The following AP1M1 variants were observed in gnomAD, a reference collection of about 807,000 sequenced individuals.
The protein encoded by AP1M1 is adaptor related protein complex 1 subunit mu 1.
Under a neutral mutation model 57.1 loss-of-function variants are expected in AP1M1, and 18 were observed. The ratio of observed to expected loss-of-function variants is 0.32; its 90% CI spans 0.22 to 0.47. AP1M1 has a LOEUF of 0.47. AP1M1 is among the 20% of genes least tolerant of loss of function. AP1M1 has a pLI of 1.00. For synonymous variants in AP1M1, 241 were observed against 237.9 expected (o/e 1.01, Z -0.12); for missense variants, 362 against 593.5 (o/e 0.61, Z 4.05).
chr19:16,227,776 G>A lies in AP1M1; in HGVS notation c.816+86G>A. 1.3e-6 allele frequency: 2 copies of A among 1,512,128 alleles called. No individual in the cohort carries two copies. Among genetic ancestry groups the A allele is most frequent in the South Asian group, 1.2e-5 (1 of 83,858 alleles). The allele number at this position is 1,512,128 out of a possible 1,614,324, so 93.7% of individuals were successfully genotyped here. ...AGGTGAAGCCCAGGCAGGCGCCAGGGCCAGCCCCACCCCACGCTCCATGAG... is the reference window on the plus strand; with the variant it reads ...AGGTGAAGCCCAGGCAGGCGCCAGGACCAGCCCCACCCCACGCTCCATGAG... On this transcript the variant is annotated intron_variant, in intron 7 of 11. Coordinates refer to ENST00000291439, the MANE Select transcript of AP1M1 (RefSeq NM_032493.4). This position sits in a 1 kb window ranked among gnomAD's most constrained non-coding sequence, Gnocchi z 6.2.
At chr19:16,233,421 C>A in intron 9 of AP1M1, 72 bp from the exon 10 acceptor site, 23 of 1,468,944 alleles carry the variant, frequency 1.6e-5, no homozygotes, top group Non-Finnish European at 2.1e-5. Flanking sequence ...TGCCCATCGC[C>A]ACTAGGGCCA....
rs751077992 is a variant in AP1M1 at position 16,234,436 on chromosome 19, G to A, written c.*1G>A. ...AGATTACCAGCTCCGGACCCAGTGA[G>A]GGGCTGTCGCAGCCAACACCCCGGC... On this transcript the variant is annotated 3_prime_UTR_variant, in exon 12 of 12. Transcript: ENST00000291439. The A allele has an allele frequency of 1.9e-6, 3 of 1,613,726 alleles. No individual in the cohort carries two copies. The highest frequency in any genetic ancestry group is 2.2e-5 in the South Asian group (2 of 91,086).
intron 9 of AP1M1, among the ~76,000 whole-genome samples, chr19:16,232,888 A>G (rs2091605281): frequency 6.6e-6 from 1 of 152,188 alleles, no homozygotes; most frequent in African/African-American, 2.4e-5. Flanking sequence ...GGTGAAGGTC[A>G]CAGCCAGGAC....
intron 10 of AP1M1, 130 bp from the exon 11 acceptor site, chr19:16,234,069 C>G (rs2091611708): frequency 5.8e-6 from 5 of 860,314 alleles, no homozygotes; most frequent in African/African-American, 3.4e-5. Context: ...TTTCACCCCC[C>G]TGAGGCCTGT....
At chr19:16,199,187 A>G (rs901957052) in intron 1 of AP1M1, among the ~76,000 whole-genome samples, 4 of 152,054 alleles carry the variant, frequency 2.6e-5, no homozygotes, top group African/African-American at 9.7e-5. Flanking sequence ...ATAAATGTCA[A>G]TTGCAGTGGT....
At chr19:16,199,083 C>T (rs181033546) in intron 1 of AP1M1, among the ~76,000 whole-genome samples, 195 of 152,264 alleles carry the variant, frequency 1.3e-3, no homozygotes, top group Non-Finnish European at 2.5e-3. Context: ...GCTGGGATTA[C>T]AGGTGTGAGT....
intron 5 of AP1M1, among the ~76,000 whole-genome samples, chr19:16,215,487 A>AT (rs1329396928): frequency 2.0e-5 from 3 of 149,028 alleles, no homozygotes; most frequent in Admixed American, 6.7e-5. Flanking sequence ...AAAAAAAAAA[A>AT]AAAAAGAATG....
At chr19:16,224,800 G>T (rs575793652) in intron 5 of AP1M1, among the ~76,000 whole-genome samples, 1 of 152,138 alleles carries the variant, frequency 6.6e-6, no homozygotes, top group Non-Finnish European at 1.5e-5. Flanking sequence ...AGGGCCCTCC[G>T]AGAAAGAGGC....
rs2091474145 is a variant in AP1M1 at position 16,207,481 on chromosome 19, G to A, written c.268-538G>A. Among the ~76,000 whole-genome samples the A allele has an allele frequency of 6.6e-6, 1 of 152,158 alleles. No homozygotes were observed. The highest frequency in any genetic ancestry group is 1.5e-5 in the Non-Finnish European group (1 of 68,018). On this transcript the variant is annotated intron_variant, in intron 3 of 11. Coordinates refer to ENST00000291439, the MANE Select transcript of AP1M1 (RefSeq NM_032493.4). The surrounding 1 kb of genome is among the most constrained non-coding windows in gnomAD (Gnocchi z 4.2). Reference sequence around the variant, plus strand: ...AGAATGGGGGATGCGGGAAGGGGAAGGTCCTCACCCAAGGGTTGGGCTGTG... The same window carrying A: ...AGAATGGGGGATGCGGGAAGGGGAAAGTCCTCACCCAAGGGTTGGGCTGTG...
chr19:16,208,167 GGGCCTGGGGCCA>G lies in AP1M1; in HGVS notation c.398+27_398+38del, dbSNP rs745934570. 2 of 1,607,368 alleles carry G rather than the reference GGGCCTGGGGCCA, an allele frequency of 1.2e-6. No individual in the cohort carries two copies. Among genetic ancestry groups the G allele is most frequent in the South Asian group, 1.1e-5 (1 of 90,576 alleles). On this transcript the variant is annotated intron_variant, in intron 4 of 11. Transcript: ENST00000291439. The stretch of plus-strand genomic sequence containing the variant: ...CTGCAGGAGTGAGTGGGCAGGGGTG[GGGCCTGGGGCCA>G]GGCCTGGGCGGTGTCATGACATCGA...
chr19:16,225,169 C>T (rs2091565859), intron 5 of AP1M1, among the ~76,000 whole-genome samples: 1 of 152,234 alleles, frequency 6.6e-6, no homozygotes, highest in Non-Finnish European at 1.5e-5. Context: ...TCCCAATTCC[C>T]TCAGAGGCGG....
intron 9 of AP1M1, among the ~76,000 whole-genome samples, chr19:16,232,720 C>T (rs1038620217): frequency 2.6e-5 from 4 of 152,236 alleles, no homozygotes; most frequent in Admixed American, 2.0e-4. Flanking sequence ...CCCTAGGCGG[C>T]AGTAGCTCCC....
intron 4 of AP1M1, chr19:16,208,384 C>T (rs752869745): frequency 1.2e-5 from 5 of 408,376 alleles, no homozygotes; most frequent in Non-Finnish European, 2.2e-5. Context: ...TCTCCATCCA[C>T]ACAGATGCCT....
Position 16,208,169 on chromosome 19 carries a change from G to A in AP1M1, c.398+20G>A. The A allele has an allele frequency of 6.2e-7, 1 of 1,607,130 alleles. No individual in the cohort carries two copies. Among genetic ancestry groups the A allele is most frequent in the Non-Finnish European group, 8.5e-7 (1 of 1,176,506 alleles). ...GCAGGAGTGAGTGGGCAGGGGTGGG[G>A]CCTGGGGCCAGGCCTGGGCGGTGTC... is the stretch of plus-strand genomic sequence containing the variant. On this transcript the variant is annotated intron_variant, in intron 4 of 11. Transcript: ENST00000291439.
intron 5 of AP1M1, among the ~76,000 whole-genome samples, chr19:16,219,390 GTTTTTTTGTTT>G (rs1351691943): frequency 4.6e-3 from 353 of 76,026 alleles, no homozygotes; most frequent in Non-Finnish European, 1.0e-2. Context: ...ATTCATTTTT[GTTTTTTTGTTT>G]TTTTTTTTTT....
At chr19:16,211,101 GT>G (rs1555724141) in intron 5 of AP1M1, among the ~76,000 whole-genome samples, 19 of 39,282 alleles carry the variant, frequency 4.8e-4, no homozygotes, top group South Asian at 1.1e-3. Context: ...TCTTAGCAGT[GT>G]TTTTTTTTTT....
Position 16,206,365 on chromosome 19 carries a change from C to G in AP1M1, c.224C>G (p.Ala75Gly). 1 of 1,614,148 alleles carries G rather than the reference C, an allele frequency of 6.2e-7. No individual in the cohort carries two copies. Among genetic ancestry groups the G allele is most frequent in the Non-Finnish European group, 8.5e-7 (1 of 1,180,028 alleles). ...GTGGTTGCCACATCCAAGAAGAACG[C>G]GTGCGTGTCGCTGGTCTTTTCTTTC... Reference protein sequence around the residue: ...LYLVATSKKNACVSLVFSFLY... With the variant: ...LYLVATSKKNGCVSLVFSFLY... The change falls in exon 3 of 12, where the codon GCG becomes GGG. Residue 75 changes from alanine (A) to glycine (G), a missense_variant. Ala to Gly is a moderately conservative substitution (Grantham distance 60). Transcript: ENST00000291439. The surrounding 1 kb of genome is among the most constrained non-coding windows in gnomAD (Gnocchi z 4.3).
At chr19:16,229,114 G>A (rs3752793) in intron 9 of AP1M1, among the ~76,000 whole-genome samples, 186 bp downstream of exon 9, 83,304 of 152,138 alleles carry the variant, frequency 0.55, 25,879 homozygotes, top group Non-Finnish European at 0.71. Flanking sequence ...AGGCTGACTC[G>A]GCCCCTGGGC....
At chr19:16,213,432 G>A (rs1293712812) in intron 5 of AP1M1, among the ~76,000 whole-genome samples, 1 of 152,014 alleles carries the variant, frequency 6.6e-6, no homozygotes. Context: ...TTTTCTATTT[G>A]CTTGGTAGAT....
Sources: allele counts gnomAD v4.1 joint callset (sites outside exome capture counted in the v4.1 genomes callset), GRCh38; gene constraint gnomAD v4.1.1; non-coding constraint Gnocchi (gnomAD v3.1); transcripts MANE v1.5; gene names NCBI Gene and HGNC (gene_info 2026-07-23, HGNC 2026-07-21).